Variants in WDR19 observed in about 807,000 individuals in gnomAD.
The protein encoded by WDR19 is WD repeat-containing protein 19.
Under a neutral mutation model 180.0 loss-of-function variants are expected in WDR19, and 121 were observed. The observed-to-expected ratio is 0.67, with a 90% CI of 0.58 to 0.78. The LOEUF is 0.78. Ranked by LOEUF, WDR19 falls within the 30% of genes least tolerant of loss-of-function variation. The probability of loss-of-function intolerance (pLI) is 0.00; values close to 1 mark genes in which losing one functional copy is unlikely to be tolerated. For synonymous variants in WDR19, 497 were observed against 540.7 expected (o/e 0.92, Z 1.12); for missense variants, 1,450 against 1,640.7 (o/e 0.88, Z 2.01).
chr4:39,251,445 G>A (rs1733169396), intron 24 of WDR19, among the ~76,000 whole-genome samples: 1 of 151,600 alleles, frequency 6.6e-6, no homozygotes, highest in Non-Finnish European at 1.5e-5. Context: ...CAGGACATAG[G>A]CATGGGCAAG....
intron 9 of WDR19, among the ~76,000 whole-genome samples, chr4:39,210,041 CA>C (rs1262443679): frequency 1.3e-5 from 2 of 152,066 alleles, no homozygotes; most frequent in Non-Finnish European, 2.9e-5. Context: ...TAAATGCTCC[CA>C]AAAAATAAAT....
chr4:39,276,838 T>C, intron 33 of WDR19, 182 bp from the exon 34 acceptor site: 2 of 678,290 alleles, frequency 2.9e-6, no homozygotes, highest in South Asian at 1.9e-5. Flanking sequence ...TCCTAGGTAC[T>C]CTTCCTCCTC....
At chr4:39,191,631 G>T (rs945575905) in intron 4 of WDR19, among the ~76,000 whole-genome samples, 4 of 152,246 alleles carry the variant, frequency 2.6e-5, no homozygotes, top group African/African-American at 9.6e-5. Context: ...ATGTAACTGG[G>T]ATATAGCCAT....
chr4:39,191,007 C>CT (rs1462083506), intron 4 of WDR19, among the ~76,000 whole-genome samples: 1 of 152,240 alleles, frequency 6.6e-6, no homozygotes, highest in Admixed American at 6.5e-5. Flanking sequence ...CTCCAGCTCT[C>CT]TGTCTTCCCA....
At chr4:39,214,743 G>A (rs188370695) in intron 10 of WDR19, 72 bp downstream of exon 10, 14 of 964,764 alleles carry the variant, frequency 1.5e-5, no homozygotes, top group Admixed American at 1.4e-4. Flanking sequence ...GTTTGTTATC[G>A]TGTGATTTGC....
chr4:39,279,788 G>C (rs955555651), intron 36 of WDR19, among the ~76,000 whole-genome samples: 5 of 144,192 alleles, frequency 3.5e-5, no homozygotes, highest in Non-Finnish European at 6.0e-5. Flanking sequence ...TGCAACCTCT[G>C]CCTCCCAGAT....
intron 5 of WDR19, 85 bp downstream of exon 5, chr4:39,194,744 G>T: frequency 9.2e-7 from 1 of 1,082,974 alleles, no homozygotes; most frequent in African/African-American, 1.6e-5. Context: ...CCCTGATCTT[G>T]CAATGGAAAT....
intron 17 of WDR19, among the ~76,000 whole-genome samples, chr4:39,231,184 G>T (rs1217938323): frequency 2.6e-5 from 4 of 152,034 alleles, no homozygotes; most frequent in Non-Finnish European, 5.9e-5. Flanking sequence ...CATGGCATGC[G>T]CCTGTAGTCC....
At chr4:39,228,420 AC>A (rs1242862328) in intron 16 of WDR19, 63 bp downstream of exon 16, 13 of 1,602,348 alleles carry the variant, frequency 8.1e-6, no homozygotes, top group Non-Finnish European at 1.1e-5. Flanking sequence ...TAAAATTAAA[AC>A]ATTCTTTCTG....
chr4:39,244,238 G>A lies in WDR19; in HGVS notation c.2422-10G>A, dbSNP rs1560531175. 1.2e-6 allele frequency: 2 copies of A among 1,607,670 alleles called. No homozygotes were observed. The highest frequency in any genetic ancestry group is 4.5e-5 in the East Asian group (2 of 44,684). On this transcript the variant is annotated splice_polypyrimidine_tract_variant and intron_variant, in intron 21 of 36. Transcript: ENST00000399820. ...AATCTGATTTGTTAGTGTTTGCCTT[G>A]TGATTGCAGGAACATGATGAAGCTT...
Position 39,182,567 on chromosome 4 carries a change from A to C in WDR19, c.6+4A>C, listed in dbSNP as rs771617456. On this transcript the variant is annotated splice_donor_region_variant and intron_variant, in intron 1 of 36. Transcript: ENST00000399820. ...CGGCTCGAGCGTGGAGATGAAGGTA[A>C]ATAACTTACAAATTCCCGGGGTGGG... The C allele has an allele frequency of 8.1e-6, 13 of 1,613,160 alleles. No homozygotes were observed. The South Asian group carries it at 1.3e-4, about 16-fold the overall frequency.
chr4:39,216,620 T>G (rs886886039), intron 12 of WDR19, among the ~76,000 whole-genome samples: 2 of 152,194 alleles, frequency 1.3e-5, no homozygotes, highest in Non-Finnish European at 2.9e-5. Context: ...GCACAGTGAC[T>G]TTTTTTAAGC....
intron 24 of WDR19, among the ~76,000 whole-genome samples, chr4:39,246,856 A>C (rs1222450934): frequency 6.6e-6 from 1 of 152,232 alleles, no homozygotes; most frequent in Non-Finnish European, 1.5e-5. Flanking sequence ...AGCGGCCAGG[A>C]AGCTCCAACT....
intron 33 of WDR19, chr4:39,275,339 CAAAAAAAAAA>C (rs1225402757): frequency 9.6e-6 from 1 of 103,638 alleles, no homozygotes; most frequent in Non-Finnish European, 1.9e-5. Flanking sequence ...GACCCCATCT[CAAAAAAAAAA>C]AAAAAAAGAT....
At chr4:39,271,414 A>G (rs2381371) in intron 31 of WDR19, among the ~76,000 whole-genome samples, 68,503 of 152,060 alleles carry the variant, frequency 0.45, 18,443 homozygotes, top group East Asian at 0.62. Context: ...TATAATTTAC[A>G]TAAATGAGGC....
chr4:39,230,261 C>G (rs1031855356), intron 17 of WDR19, among the ~76,000 whole-genome samples: 1 of 152,168 alleles, frequency 6.6e-6, no homozygotes, highest in African/African-American at 2.4e-5. Context: ...CATGATTCTT[C>G]CTGGAATGCC....
rs750722358 is a variant in WDR19, at chr4:39,268,106, C to T, written c.3358+15C>T. On this transcript the variant is annotated intron_variant, in intron 30 of 36. Coordinates refer to ENST00000399820, the MANE Select transcript of WDR19 (RefSeq NM_025132.4). ...GCAGTCTGCAGGTAGGTCCGTGATA[C>T]GTATGTGTTACTTCCCAAGCAGGCA... The T allele has an allele frequency of 5.4e-5, 84 of 1,554,346 alleles. No individual in the cohort carries two copies. Among genetic ancestry groups the T allele is most frequent in the Middle Eastern group, 3.4e-4 (2 of 5,970 alleles).
intron 5 of WDR19, 71 bp from the exon 6 acceptor site, chr4:39,199,407 T>A: frequency 8.7e-7 from 1 of 1,142,914 alleles, no homozygotes. Context: ...TCTTGCTATA[T>A]TCAGATTGGC....
intron 15 of WDR19, 79 bp from the exon 16 acceptor site, chr4:39,228,131 T>C (rs1203590833): frequency 6.5e-7 from 1 of 1,532,572 alleles, no homozygotes; most frequent in Non-Finnish European, 8.9e-7. Context: ...CAGCTAAGGC[T>C]GCAAACAGGC....
Sources: gnomAD v4.1 joint callset for allele counts (sites outside exome capture counted in the v4.1 genomes callset) on GRCh38, gnomAD v4.1.1 for gene constraint, MANE v1.5 for transcripts, NCBI Gene and HGNC (gene_info 2026-07-23, HGNC 2026-07-21) for gene names.